The following SLCO1A2 variants were observed in gnomAD, a reference collection of about 807,000 sequenced individuals.
SLCO1A2 encodes OATP-1.
Under a neutral mutation model 69.0 loss-of-function variants are expected in SLCO1A2, and 67 were observed. That is an observed-to-expected ratio of 0.97 (90% CI 0.80 to 1.19). The LOEUF (loss-of-function observed/expected upper bound fraction) is 1.19, where lower values mean the gene tolerates loss of function less well. Ranked by LOEUF, SLCO1A2 falls within the 50% of genes most tolerant of loss-of-function variation. The probability of loss-of-function intolerance (pLI) is 0.00; values close to 1 mark genes in which losing one functional copy is unlikely to be tolerated. For synonymous variants in SLCO1A2, 260 were observed against 265.9 expected (o/e 0.98, Z 0.22); for missense variants, 787 against 793.7 (o/e 0.99, Z 0.10).
chr12:21,373,263 A>G, intron 2 of SLCO1A2: 1 of 928,960 alleles, frequency 1.1e-6, no homozygotes, highest in Non-Finnish European at 1.8e-6. Context: ...TTAAAAACTA[A>G]GCTCTAATTT....
At chr12:21,323,609 T>C (rs921178166) in intron 2 of SLCO1A2, among the ~76,000 whole-genome samples, 1 of 152,090 alleles carries the variant, frequency 6.6e-6, no homozygotes, top group Non-Finnish European at 1.5e-5. Context: ...ACTTTAAAAA[T>C]ACATATCTAT....
At chr12:21,396,968 C>T (rs1399207249), upstream of SLCO1A2, among the ~76,000 whole-genome samples, 47 of 150,776 alleles carry the variant, frequency 3.1e-4, no homozygotes, top group African/African-American at 9.0e-4. Context: ...CATCAACTAA[C>T]GAGCAAAATA....
chr12:21,391,833 C>T (rs909001416), intron 1 of SLCO1A2, among the ~76,000 whole-genome samples: 6 of 152,006 alleles, frequency 3.9e-5, no homozygotes, highest in African/African-American at 7.2e-5. Context: ...TTGCACTTTA[C>T]GTAAACCAAA....
intron 7 of SLCO1A2, among the ~76,000 whole-genome samples, chr12:21,300,814 C>T (rs1948625096): frequency 6.6e-6 from 1 of 152,088 alleles, no homozygotes. Context: ...GCTACAAGTT[C>T]TATTTCATCA....
intron 1 of SLCO1A2, among the ~76,000 whole-genome samples, chr12:21,394,665 G>A (rs1024878991): frequency 1.1e-4 from 17 of 151,700 alleles, no homozygotes; most frequent in Non-Finnish European, 2.4e-4. Context: ...AAGGTGATAC[G>A]GCCACCTCCA....
At chr12:21,402,010 T>C (rs1275861867) in intron 1 of SLCO1A2, among the ~76,000 whole-genome samples, 1 of 151,502 alleles carries the variant, frequency 6.6e-6, no homozygotes, top group Non-Finnish European at 1.5e-5. Context: ...GTAATATTCC[T>C]GCATAATCCA....
At chr12:21,360,541 C>A (rs1938759024) in intron 2 of SLCO1A2, among the ~76,000 whole-genome samples, 2 of 152,222 alleles carry the variant, frequency 1.3e-5, no homozygotes, top group African/African-American at 4.8e-5. Flanking sequence ...GTTCATCTCA[C>A]TGGGGCTTGC....
At chr12:21,365,909 G>A (rs1427178708) in intron 2 of SLCO1A2, among the ~76,000 whole-genome samples, 1 of 152,216 alleles carries the variant, frequency 6.6e-6, no homozygotes, top group African/African-American at 2.4e-5. Flanking sequence ...ACAGGTGCTG[G>A]AGAGGATGTG....
intron 14 of SLCO1A2, among the ~76,000 whole-genome samples, chr12:21,271,432 A>C (rs1942808960): frequency 6.6e-6 from 1 of 150,610 alleles, no homozygotes; most frequent in African/African-American, 2.5e-5. Flanking sequence ...AATTTTAAAA[A>C]TATATTGTTT....
At chr12:21,359,803 G>A (rs1444726985) in intron 2 of SLCO1A2, among the ~76,000 whole-genome samples, 1 of 151,110 alleles carries the variant, frequency 6.6e-6, no homozygotes, top group Non-Finnish European at 1.5e-5. Flanking sequence ...TTAAACAAGA[G>A]AAAAGAAGAA....
intron 12 of SLCO1A2, among the ~76,000 whole-genome samples, chr12:21,290,698 C>T (rs1286080569): frequency 6.6e-6 from 1 of 151,820 alleles, no homozygotes; most frequent in African/African-American, 2.4e-5. Flanking sequence ...AGCGGGAAAG[C>T]CAGGGGGGAA....
chr12:21,334,271 C>A (rs1279283634), intron 2 of SLCO1A2, among the ~76,000 whole-genome samples: 1 of 151,964 alleles, frequency 6.6e-6, no homozygotes, highest in African/African-American at 2.4e-5. Flanking sequence ...GGTTAGAAAC[C>A]CTGCAAGAGT....
At chr12:21,287,242 C>T in intron 12 of SLCO1A2, among the ~76,000 whole-genome samples, 1 of 149,048 alleles carries the variant, frequency 6.7e-6, no homozygotes, top group Non-Finnish European at 1.5e-5. Context: ...TTTATGCAGC[C>T]AAAAAACACA....
intron 3 of SLCO1A2, among the ~76,000 whole-genome samples, chr12:21,318,144 A>G: frequency 7.9e-6 from 1 of 126,934 alleles, no homozygotes; most frequent in African/African-American, 3.2e-5. Context: ...TTTTTTTGAG[A>G]TGGAGTCTCA....
intron 2 of SLCO1A2, 22 bp from the exon 3 acceptor site, chr12:21,318,945 A>G (rs1350775085): frequency 6.4e-7 from 1 of 1,554,852 alleles, no homozygotes; most frequent in African/African-American, 1.4e-5. Flanking sequence ...ATATAAGAAA[A>G]CGTAGAAAAA....
intron 1 of SLCO1A2, among the ~76,000 whole-genome samples, chr12:21,403,087 C>T (rs1336855638): frequency 2.6e-5 from 4 of 152,084 alleles, no homozygotes; most frequent in Non-Finnish European, 5.9e-5. Flanking sequence ...AGGGACTTTC[C>T]AGGCCAATGA....
intron 2 of SLCO1A2, among the ~76,000 whole-genome samples, chr12:21,342,670 TACCA>T (rs1334870286): frequency 1.3e-5 from 2 of 152,060 alleles, no homozygotes; most frequent in Non-Finnish European, 2.9e-5. Flanking sequence ...TGTTTAATAT[TACCA>T]AATGTAATAA....
chr12:21,367,036 C>T (rs998781405), intron 2 of SLCO1A2, among the ~76,000 whole-genome samples: 3 of 152,150 alleles, frequency 2.0e-5, no homozygotes, highest in Admixed American at 6.5e-5. Flanking sequence ...AAAAGATCCA[C>T]ACCAAAGCAT....
chr12:21,308,229 CA>C (rs1423408810), intron 4 of SLCO1A2, among the ~76,000 whole-genome samples: 1 of 151,982 alleles, frequency 6.6e-6, no homozygotes, highest in Admixed American at 6.6e-5. Context: ...AATAGATTTT[CA>C]AACAGAATGG....
Sources: allele counts gnomAD v4.1 joint callset (sites outside exome capture counted in the v4.1 genomes callset), GRCh38; gene constraint gnomAD v4.1.1; transcripts MANE v1.5; gene names NCBI Gene and HGNC (gene_info 2026-07-23, HGNC 2026-07-21).